The following DPYD variants were observed in gnomAD, a reference collection of about 807,000 sequenced individuals.
DPYD encodes dihydropyrimidine dehydrogenase [NADP(+)].
Under a neutral mutation model 116.2 loss-of-function variants are expected in DPYD, and 109 were observed. That is an observed-to-expected ratio of 0.94 (90% CI 0.80 to 1.10). The LOEUF is 1.10. DPYD is among the 50% of genes least tolerant of loss of function. DPYD has a pLI of 0.00. For missense variants in DPYD, 1,302 were observed against 1,254.5 expected, an observed-to-expected ratio of 1.04 and a Z score of -0.57; for synonymous variants, 440 against 432.0, an observed-to-expected ratio of 1.02 and a Z score of -0.23.
At chr1:97,196,175 G>C (rs888606344) in intron 19 of DPYD, among the ~76,000 whole-genome samples, 8 of 152,058 alleles carry the variant, frequency 5.3e-5, no homozygotes, top group African/African-American at 1.9e-4. Flanking sequence ...TCATAGCTCA[G>C]TGTAGCCTCA....
At chr1:97,394,878 G>A (rs935007291) in intron 14 of DPYD, among the ~76,000 whole-genome samples, 1 of 151,982 alleles carries the variant, frequency 6.6e-6, no homozygotes, top group Non-Finnish European at 1.5e-5. Flanking sequence ...GTTCAATTTG[G>A]CTGACTTTGA....
intron 14 of DPYD, among the ~76,000 whole-genome samples, chr1:97,401,336 C>T (rs12026229): frequency 0.19 from 29,136 of 151,600 alleles, 2,961 homozygotes; most frequent in South Asian, 0.37. Flanking sequence ...TTGTTTGAGA[C>T]GGAGTCTTGC....
At chr1:97,487,251 C>T (rs530558385) in intron 13 of DPYD, among the ~76,000 whole-genome samples, 1 of 151,658 alleles carries the variant, frequency 6.6e-6, no homozygotes, top group East Asian at 1.9e-4. Context: ...AATGAGTGAC[C>T]TCCAGGATAT....
chr1:97,818,644 G>A (rs762967621), intron 3 of DPYD, among the ~76,000 whole-genome samples: 1 of 151,958 alleles, frequency 6.6e-6, no homozygotes, highest in Non-Finnish European at 1.5e-5. Flanking sequence ...TGGGCCATTT[G>A]AGCAGTGAGA....
intron 3 of DPYD, among the ~76,000 whole-genome samples, chr1:97,766,247 A>C (rs1002124477): frequency 3.9e-5 from 6 of 152,130 alleles, no homozygotes; most frequent in Admixed American, 2.6e-4. Flanking sequence ...GTCTCAAAAA[A>C]AATAAATAAA....
intron 19 of DPYD, among the ~76,000 whole-genome samples, chr1:97,209,483 T>A (rs1270814771): frequency 1.3e-5 from 2 of 152,174 alleles, no homozygotes; most frequent in African/African-American, 4.8e-5. Flanking sequence ...ATTCTTACTG[T>A]AGCTGTGTAA....
At chr1:97,387,515 G>A (rs1046436381) in intron 14 of DPYD, among the ~76,000 whole-genome samples, 1 of 152,036 alleles carries the variant, frequency 6.6e-6, no homozygotes, top group Admixed American at 6.6e-5. Context: ...ACCATTTCCA[G>A]TTCCAATTGT....
At chr1:97,900,652 A>G (rs1320489445) in intron 1 of DPYD, among the ~76,000 whole-genome samples, 5 of 151,932 alleles carry the variant, frequency 3.3e-5, no homozygotes, top group Admixed American at 3.3e-4. Context: ...ATCTCCATTC[A>G]TTGACTGCTA....
chr1:97,492,808 AT>A (rs1025141467), intron 13 of DPYD, among the ~76,000 whole-genome samples: 4 of 152,160 alleles, frequency 2.6e-5, no homozygotes, highest in African/African-American at 9.7e-5. Context: ...TGGGTATCAA[AT>A]TACCTTTGAA....
intron 21 of DPYD, among the ~76,000 whole-genome samples, chr1:97,090,617 CTCCTCTGTTT>C (rs1433087222): frequency 6.6e-6 from 1 of 152,214 alleles, no homozygotes; most frequent in African/African-American, 2.4e-5. Context: ...ATCCCTTTCA[CTCCTCTGTTT>C]TCCCAGAGCA....
intron 8 of DPYD, among the ~76,000 whole-genome samples, chr1:97,677,737 T>C (rs2786509): frequency 0.9 from 137,083 of 152,200 alleles, 61,809 homozygotes; most frequent in East Asian, 0.98. Flanking sequence ...GAAGACAGTG[T>C]AAATTTATAT....
At chr1:97,569,413 A>G (rs192654395) in intron 11 of DPYD, among the ~76,000 whole-genome samples, 2 of 148,322 alleles carry the variant, frequency 1.3e-5, no homozygotes, top group Admixed American at 6.8e-5. Flanking sequence ...TATCATATAT[A>G]GAAATATATA....
intron 8 of DPYD, among the ~76,000 whole-genome samples, chr1:97,650,308 C>A (rs1014824481): frequency 6.6e-6 from 1 of 152,070 alleles, no homozygotes; most frequent in African/African-American, 2.4e-5. Flanking sequence ...CTCCATTACT[C>A]CAGTAGAAAA....
At chr1:97,382,690 C>A (rs2101566092) in intron 14 of DPYD, among the ~76,000 whole-genome samples, 1 of 152,264 alleles carries the variant, frequency 6.6e-6, no homozygotes, top group South Asian at 2.1e-4. Flanking sequence ...TATCTGTGAA[C>A]ACTTGGGCAA....
intron 6 of DPYD, 24 bp from the exon 7 acceptor site, chr1:97,691,822 A>C (rs1308256461): frequency 6.2e-7 from 1 of 1,600,736 alleles, no homozygotes; most frequent in Non-Finnish European, 8.6e-7. Flanking sequence ...AGAAAGAAAA[A>C]CAGGCATCAG....
chr1:97,186,750 C>G (rs1187274333), intron 20 of DPYD, among the ~76,000 whole-genome samples: 13 of 151,938 alleles, frequency 8.6e-5, no homozygotes, highest in African/African-American at 1.2e-4. Context: ...TGGGGAGGCT[C>G]AGCCATGAGA....
chr1:97,618,035 G>A (rs1656397824), intron 8 of DPYD, among the ~76,000 whole-genome samples: 1 of 152,074 alleles, frequency 6.6e-6, no homozygotes. Flanking sequence ...AACCAAATGG[G>A]CAAGTATGTA....
Position 97,525,561 on chromosome 1 carries a change from T to C in DPYD, c.1525-9620A>G, listed in dbSNP as rs541786753. Among the ~76,000 whole-genome samples, 310 of 152,280 alleles carry C rather than the reference T, an allele frequency of 2.0e-3. 4 individuals carry two copies. Among genetic ancestry groups the C allele is most frequent in the African/African-American group, 6.9e-3 (288 of 41,558 alleles). On this transcript the variant is annotated intron_variant, in intron 12 of 22. Coordinates refer to ENST00000370192, the MANE Select transcript of DPYD (RefSeq NM_000110.4). ...GACTAGTGACCTTGGGTACTTAGTG[T>C]CTTTTTCAAATTAGTTTCCAGTAAG...
rs986445543 is a variant in DPYD, at chr1:97,568,511, T to A, written c.1339+5249A>T. On this transcript the variant is annotated intron_variant, in intron 11 of 22. Coordinates refer to ENST00000370192, the MANE Select transcript of DPYD (RefSeq NM_000110.4). The stretch of plus-strand genomic sequence containing the variant: ...TAAGTAACTCATTAAGACGATGAAG[T>A]TAGAAGGAGGACAGCCAGGTTTCCA... 3.3e-5 allele frequency among the ~76,000 whole-genome samples: 5 copies of A among 152,032 alleles called. No individual in the cohort carries two copies. In the South Asian group the frequency reaches 6.2e-4, roughly 19 times the overall value.
Sources: allele counts gnomAD v4.1 joint callset (sites outside exome capture counted in the v4.1 genomes callset), GRCh38; gene constraint gnomAD v4.1.1; transcripts MANE v1.5; gene names NCBI Gene and HGNC (gene_info 2026-07-23, HGNC 2026-07-21).